HERC1: variants seen among roughly 807,000 people sequenced by gnomAD.
HERC1 encodes probable E3 ubiquitin-protein ligase HERC1.
HERC1 carries 160 observed loss-of-function variants against 554.3 expected under a neutral mutation model. The ratio of observed to expected loss-of-function variants is 0.29; its 90% confidence interval spans 0.25 to 0.33. HERC1 has a LOEUF of 0.33. Ranked by LOEUF, HERC1 falls within the 10% of genes least tolerant of loss-of-function variation. The probability of loss-of-function intolerance (pLI) is 1.00; values close to 1 mark genes in which losing one functional copy is unlikely to be tolerated. For synonymous variants in HERC1, 2,175 were observed against 2,131.7 expected, an observed-to-expected ratio of 1.02 and a Z score of -0.56; for missense variants, 4,919 against 5,918.5, an observed-to-expected ratio of 0.83 and a Z score of 5.54.
chr15:63,652,236 T>C (rs1449598552), intron 52 of HERC1, among the ~76,000 whole-genome samples, 178 bp downstream of exon 52: 2 of 152,228 alleles, frequency 1.3e-5, no homozygotes, highest in East Asian at 1.9e-4. Context: ...TTTAAAATTA[T>C]GTTTTCTGAA....
intron 1 of HERC1, among the ~76,000 whole-genome samples, chr15:63,790,449 C>T (rs949612340): frequency 3.3e-5 from 5 of 151,568 alleles, no homozygotes; most frequent in African/African-American, 7.3e-5. Context: ...TAGTGGCGGG[C>T]GCCTTGTAGT....
At chr15:63,636,214 G>A (rs1403404785) in intron 64 of HERC1, 72 bp from the exon 65 acceptor site, 1 of 1,309,042 alleles carries the variant, frequency 7.6e-7, no homozygotes, top group Non-Finnish European at 1.1e-6. Flanking sequence ...AGCTGCTACT[G>A]AATACCCTCA....
At chr15:63,832,027 C>A (rs147025302) in intron 1 of HERC1, among the ~76,000 whole-genome samples, 3 of 152,216 alleles carry the variant, frequency 2.0e-5, no homozygotes, top group Non-Finnish European at 4.4e-5. Flanking sequence ...TACAAGAGGC[C>A]TTAATAGGCC....
At chr15:63,701,224 C>T (rs984037826) in intron 25 of HERC1, among the ~76,000 whole-genome samples, 1 of 152,098 alleles carries the variant, frequency 6.6e-6, no homozygotes, top group African/African-American at 2.4e-5. Context: ...ATTGGTTTGT[C>T]ACATAATGAC....
At chr15:63,806,641 GAATTAATTCTGGTCTAAC>G (rs1389453780) in intron 1 of HERC1, among the ~76,000 whole-genome samples, 4 of 152,188 alleles carry the variant, frequency 2.6e-5, no homozygotes, top group African/African-American at 9.6e-5. Flanking sequence ...TGTAGAAGAG[GAATTAATTCTGGTCTAAC>G]AAGTCTACGG....
intron 46 of HERC1, 63 bp from the exon 47 acceptor site, chr15:63,659,999 A>T (rs1026891229): frequency 7.7e-7 from 1 of 1,299,834 alleles, no homozygotes. Context: ...TCTGCTGGCA[A>T]TGGTTGTTCT....
At position 63,729,269 on chromosome 15, in the gene HERC1, G is replaced by A. The variant is rs1455175053; in HGVS notation, c.3121C>T (p.Pro1041Ser). Reference protein sequence around the residue: ...SRSANLLKESPWNGSVGEKLR... With the variant: ...SRSANLLKESSWNGSVGEKLR... Reference sequence around the variant, plus strand: ...TTTTCTCCAACACTGCCATTCCAAGGACTTTCTTTGAGCAAATTTGCAGAA... The same window carrying A: ...TTTTCTCCAACACTGCCATTCCAAGAACTTTCTTTGAGCAAATTTGCAGAA... Residue 1041 changes from proline to serine, a missense_variant, in exon 16 of 78, where the codon CCT becomes TCT. Around this residue, in one of 11 missense-constraint regions of HERC1, gnomAD observed 1,121 missense variants for 1,244.0 expected, o/e 0.90. Coordinates refer to ENST00000443617, the MANE Select transcript of HERC1 (RefSeq NM_003922.4). 1.2e-6 allele frequency: 2 copies of A among 1,606,782 alleles called. No individual in the cohort carries two copies. Among genetic ancestry groups the A allele is most frequent in the African/African-American group, 1.3e-5 (1 of 74,516 alleles).
chr15:63,812,447 T>C (rs2077359914), intron 1 of HERC1, among the ~76,000 whole-genome samples: 1 of 152,222 alleles, frequency 6.6e-6, no homozygotes, highest in Non-Finnish European at 1.5e-5. Context: ...TTTGAATACA[T>C]CTATTGCCTT....
At chr15:63,802,613 C>T (rs1233371092) in intron 1 of HERC1, among the ~76,000 whole-genome samples, 3 of 151,978 alleles carry the variant, frequency 2.0e-5, no homozygotes, top group African/African-American at 7.3e-5. Context: ...TTTTTCCACT[C>T]CTGGTACAAT....
At chr15:63,807,244 G>A (rs957608435) in intron 1 of HERC1, among the ~76,000 whole-genome samples, 2 of 152,174 alleles carry the variant, frequency 1.3e-5, no homozygotes, top group Non-Finnish European at 2.9e-5. Flanking sequence ...CTGTGAGGCT[G>A]TCCTCTGGCA....
intron 53 of HERC1, among the ~76,000 whole-genome samples, chr15:63,650,820 A>T (rs1174964123): frequency 2.0e-5 from 3 of 152,202 alleles, no homozygotes; most frequent in African/African-American, 7.2e-5. Flanking sequence ...TGTAAAAACA[A>T]ATGAAAATAC....
chr15:63,675,903 C>T (rs1490162364), intron 37 of HERC1, among the ~76,000 whole-genome samples: 9 of 133,306 alleles, frequency 6.8e-5, no homozygotes, highest in Non-Finnish European at 1.1e-4. Context: ...CTGTATACAT[C>T]TTTTTTTTTT....
Position 63,656,289 on chromosome 15 carries a change from T to C in HERC1, c.9669A>G (p.Arg3223=), listed in dbSNP as rs2070029094. The change falls in exon 49 of 78, where the codon CGA becomes CGG. Residue 3223 remains arginine, a synonymous_variant. Transcript: ENST00000443617. The part of the protein sequence containing the change: ...LGLTDIRTLV[R]LMCLAAAGRA... ...TCCCTGCTGCTGCCAAGCACATTAA[T>C]CGAACTAGCGTTCGGATATCTGTTA... The C allele has an allele frequency of 1.2e-6, 2 of 1,613,812 alleles. No individual in the cohort carries two copies. The highest frequency in any genetic ancestry group is 2.2e-5 in the East Asian group (1 of 44,874).
chr15:63,634,002 T>C (rs2068674726), intron 66 of HERC1, 32 bp from the exon 67 acceptor site: 1 of 1,612,840 alleles, frequency 6.2e-7, no homozygotes, highest in African/African-American at 1.3e-5. Context: ...GTAAGGCAAA[T>C]CACAAGACCT....
At chr15:63,818,336 G>T (rs1323383048) in intron 1 of HERC1, among the ~76,000 whole-genome samples, 1 of 152,042 alleles carries the variant, frequency 6.6e-6, no homozygotes, top group African/African-American at 2.4e-5. Flanking sequence ...CTCCCAAACA[G>T]CACTAGTTTT....
chr15:63,794,180 C>T (rs903949502), intron 1 of HERC1, among the ~76,000 whole-genome samples: 8 of 152,130 alleles, frequency 5.3e-5, no homozygotes, highest in Non-Finnish European at 1.2e-4. Context: ...AATGAGCAAC[C>T]AGCAGCCCTT....
intron 76 of HERC1, among the ~76,000 whole-genome samples, chr15:63,614,410 T>C (rs11636284): frequency 0.029 from 4,394 of 152,312 alleles, 94 homozygotes; most frequent in Middle Eastern, 0.071. Flanking sequence ...TCAATACATT[T>C]CTAGTCAGTT....
intron 1 of HERC1, among the ~76,000 whole-genome samples, chr15:63,794,734 A>C (rs2076759059): frequency 1.3e-5 from 2 of 152,136 alleles, no homozygotes; most frequent in South Asian, 4.1e-4. Flanking sequence ...TAGAACAGCT[A>C]AGATCCCTAC....
At chr15:63,767,008 T>G (rs1391731666) in intron 2 of HERC1, among the ~76,000 whole-genome samples, 1 of 123,896 alleles carries the variant, frequency 8.1e-6, no homozygotes, top group Admixed American at 7.9e-5. Context: ...TTTTCATTTG[T>G]TTTTTTTTTT....
Sources: allele counts gnomAD v4.1 joint callset (sites outside exome capture counted in the v4.1 genomes callset), GRCh38; gene constraint gnomAD v4.1.1; regional missense constraint gnomAD v4.1.1; transcripts MANE v1.5; gene names NCBI Gene and HGNC (gene_info 2026-07-23, HGNC 2026-07-21).